Variants in TMEM178B observed in about 807,000 individuals in gnomAD.
TMEM178B encodes transmembrane protein 178B.
In TMEM178B, 5 loss-of-function variants were observed where a neutral mutation model predicts 31.0. The observed-to-expected ratio is 0.16, with a 90% CI of 0.08 to 0.34. TMEM178B has a LOEUF of 0.34. Among genes scored for constraint, TMEM178B ranks in the 10% least tolerant of loss-of-function variants. The pLI is 1.00. For synonymous variants in TMEM178B, 164 were observed against 164.0 expected, an observed-to-expected ratio of 1.00 and a Z score of 0.00; for missense variants, 275 against 400.3, an observed-to-expected ratio of 0.69 and a Z score of 2.67.
intron 2 of TMEM178B, among the ~76,000 whole-genome samples, chr7:141,396,246 C>T (rs954714222): frequency 5.3e-5 from 8 of 152,166 alleles, no homozygotes; most frequent in Non-Finnish European, 8.8e-5. Flanking sequence ...AGTCTTCTTG[C>T]GTGCCTCCCC....
intron 2 of TMEM178B, among the ~76,000 whole-genome samples, chr7:141,239,184 A>G (rs919750701): frequency 1.3e-5 from 2 of 152,200 alleles, no homozygotes; most frequent in African/African-American, 4.8e-5. Context: ...GCATGCGTGC[A>G]TATACATTTT....
intron 2 of TMEM178B, among the ~76,000 whole-genome samples, chr7:141,437,051 C>G (rs1005336): frequency 6.6e-6 from 1 of 152,162 alleles, no homozygotes; most frequent in Admixed American, 6.5e-5. Flanking sequence ...CCAGACCCCC[C>G]ATGCTGTTAG....
Position 141,221,765 on chromosome 7 carries a change from G to T in TMEM178B, c.496+9061G>T, listed in dbSNP as rs929880701. The stretch of plus-strand genomic sequence containing the variant: ...AGATGGGGAGGGCAGCAGGAAGGTG[G>T]CTGGGAGCAAGGATGGGGTAACAGA... On this transcript the variant is annotated intron_variant, in intron 2 of 3. Coordinates refer to ENST00000565468, the MANE Select transcript of TMEM178B (RefSeq NM_001195278.2). 1.1e-4 allele frequency among the ~76,000 whole-genome samples: 16 copies of T among 152,336 alleles called. No homozygotes were observed. In the East Asian group the frequency reaches 2.7e-3, roughly 26 times the overall value.
chr7:141,215,392 C>G (rs1184342307), intron 2 of TMEM178B, among the ~76,000 whole-genome samples: 3 of 150,764 alleles, frequency 2.0e-5, no homozygotes, highest in Non-Finnish European at 4.4e-5. Context: ...GTGGCACAAT[C>G]TTGGCTCACT....
At chr7:141,204,118 T>C (rs1347372098) in intron 1 of TMEM178B, among the ~76,000 whole-genome samples, 3 of 152,168 alleles carry the variant, frequency 2.0e-5, no homozygotes, top group Non-Finnish European at 4.4e-5. Flanking sequence ...TGTTCTTAGT[T>C]TGGGTTCTTC....
At chr7:141,099,560 T>A (rs2129173440) in intron 1 of TMEM178B, among the ~76,000 whole-genome samples, 1 of 152,318 alleles carries the variant, frequency 6.6e-6, no homozygotes, top group South Asian at 2.1e-4. Flanking sequence ...GGGATGCAGA[T>A]CAGAGTAGAC....
chr7:141,428,220 T>C (rs1801355956), intron 2 of TMEM178B, among the ~76,000 whole-genome samples: 1 of 151,716 alleles, frequency 6.6e-6, no homozygotes, highest in Admixed American at 6.6e-5. Flanking sequence ...AAAAAAAAAT[T>C]AGCTGGGCAT....
chr7:141,228,382 CTTCT>C (rs1797380332), intron 2 of TMEM178B, among the ~76,000 whole-genome samples: 2 of 151,560 alleles, frequency 1.3e-5, no homozygotes, highest in African/African-American at 2.4e-5. Flanking sequence ...GATAGACTTT[CTTCT>C]TTCTTTTTTT....
At chr7:141,141,037 C>T (rs1795759876) in intron 1 of TMEM178B, among the ~76,000 whole-genome samples, 1 of 152,124 alleles carries the variant, frequency 6.6e-6, no homozygotes, top group Non-Finnish European at 1.5e-5. Flanking sequence ...GTTACACTTC[C>T]CCTCCTTTAG....
intron 2 of TMEM178B, among the ~76,000 whole-genome samples, chr7:141,393,563 G>A (rs1586931248): frequency 6.6e-6 from 1 of 152,218 alleles, no homozygotes; most frequent in Non-Finnish European, 1.5e-5. Flanking sequence ...TCAGAGCTCA[G>A]TGCTCTTCAT....
the TMEM178B span, among the ~76,000 whole-genome samples, chr7:141,495,158 T>C: frequency 6.6e-6 from 1 of 152,194 alleles, no homozygotes; most frequent in Non-Finnish European, 1.5e-5. Flanking sequence ...AATCCCAAAA[T>C]AGATTTCAGA....
chr7:141,387,667 G>C (rs1041220017), intron 2 of TMEM178B, among the ~76,000 whole-genome samples: 5 of 152,108 alleles, frequency 3.3e-5, no homozygotes, highest in Admixed American at 6.6e-5. Context: ...CAGCCTTCTC[G>C]TATCTGCGCA....
chr7:141,500,592 G>A, the TMEM178B span, among the ~76,000 whole-genome samples: 4 of 152,216 alleles, frequency 2.6e-5, no homozygotes, highest in Non-Finnish European at 2.9e-5. Context: ...TTCTATGGCC[G>A]TGTAGTCCTA....
chr7:141,420,387 G>A (rs754840499), intron 2 of TMEM178B, among the ~76,000 whole-genome samples: 5 of 152,172 alleles, frequency 3.3e-5, no homozygotes, highest in Non-Finnish European at 5.9e-5. Flanking sequence ...AATTTCTGTT[G>A]ATGAAACTTT....
intron 1 of TMEM178B, among the ~76,000 whole-genome samples, chr7:141,199,001 A>C (rs771792610): frequency 6.6e-6 from 1 of 152,204 alleles, no homozygotes; most frequent in Non-Finnish European, 1.5e-5. Context: ...ATTCTTTCCC[A>C]AGAAGTCTGT....
intron 1 of TMEM178B, among the ~76,000 whole-genome samples, chr7:141,157,193 C>T (rs142487828): frequency 1.2e-4 from 18 of 152,170 alleles, no homozygotes; most frequent in South Asian, 2.1e-4. Flanking sequence ...AGACCTGGGA[C>T]GGGGATGGAT....
At chr7:141,407,585 A>C (rs549447517) in intron 2 of TMEM178B, among the ~76,000 whole-genome samples, 17 of 152,174 alleles carry the variant, frequency 1.1e-4, no homozygotes, top group Non-Finnish European at 1.8e-4. Flanking sequence ...TCTCGTCTGA[A>C]TAGCTTACAT....
intron 2 of TMEM178B, among the ~76,000 whole-genome samples, chr7:141,428,384 AG>A (rs367837218): frequency 0.29 from 32,901 of 112,942 alleles, 5,278 homozygotes; most frequent in African/African-American, 0.42. Context: ...AAAAAAAAAA[AG>A]AAAAAAAGAA....
At chr7:141,467,126 T>A (rs1475672413) in intron 3 of TMEM178B, among the ~76,000 whole-genome samples, 1 of 152,048 alleles carries the variant, frequency 6.6e-6, no homozygotes, top group Non-Finnish European at 1.5e-5. Flanking sequence ...CCAACAGAAG[T>A]CATCTTGAGG....
Sources: gnomAD v4.1 joint callset for allele counts (sites outside exome capture counted in the v4.1 genomes callset) on GRCh38, gnomAD v4.1.1 for gene constraint, MANE v1.5 for transcripts, NCBI Gene and HGNC (gene_info 2026-07-23, HGNC 2026-07-21) for gene names.